Variants in KCNK1 observed in about 807,000 individuals in gnomAD.
The protein encoded by KCNK1 is potassium channel subfamily K member 1.
In KCNK1, 10 loss-of-function variants were observed where a neutral mutation model predicts 22.2. The observed-to-expected ratio is 0.45, with a 90% CI of 0.28 to 0.76. KCNK1 has a LOEUF of 0.76. KCNK1 is among the 30% of genes least tolerant of loss of function. The pLI, the probability that KCNK1 is intolerant of heterozygous loss-of-function variation, is 0.14. For synonymous variants in KCNK1, 200 were observed against 186.4 expected (o/e 1.07, Z -0.60); for missense variants, 378 against 421.0 (o/e 0.90, Z 0.89).
chr1:233,661,781 G>A (rs1480155560), intron 1 of KCNK1: 3 of 152,206 alleles, frequency 2.0e-5, no homozygotes, highest in Non-Finnish European at 4.4e-5. Context: ...GTCAAAAAAG[G>A]GAATTATGAA....
At chr1:233,658,229 A>T (rs549428756) in intron 1 of KCNK1, among the ~76,000 whole-genome samples, 11 of 152,308 alleles carry the variant, frequency 7.2e-5, no homozygotes, top group Admixed American at 2.0e-4. Context: ...GACAACAGGG[A>T]TCCATTAGAG....
At chr1:233,638,640 T>C (rs1406099115) in intron 1 of KCNK1, among the ~76,000 whole-genome samples, 1 of 152,208 alleles carries the variant, frequency 6.6e-6, no homozygotes, top group Non-Finnish European at 1.5e-5. Context: ...GGAGGCTCCC[T>C]GGGCCATCCT....
intron 1 of KCNK1, among the ~76,000 whole-genome samples, chr1:233,619,253 C>A (rs571439095): frequency 1.3e-5 from 2 of 152,098 alleles, no homozygotes; most frequent in South Asian, 4.2e-4. Flanking sequence ...AAACTTGTTG[C>A]CTTAAGCTGT....
intron 1 of KCNK1, among the ~76,000 whole-genome samples, chr1:233,617,852 T>A (rs1476428739): frequency 6.6e-6 from 1 of 151,984 alleles, no homozygotes; most frequent in African/African-American, 2.4e-5. Flanking sequence ...AGGCATTGAG[T>A]CTAGGAGTTT....
At chr1:233,647,864 T>C (rs530882729) in intron 1 of KCNK1, among the ~76,000 whole-genome samples, 1 of 152,336 alleles carries the variant, frequency 6.6e-6, no homozygotes, top group South Asian at 2.1e-4. Context: ...CTTCCAAGAA[T>C]TCTGTTCCAT....
intron 1 of KCNK1, among the ~76,000 whole-genome samples, chr1:233,660,172 T>C (rs76104770): frequency 0.042 from 6,470 of 152,296 alleles, 192 homozygotes; most frequent in African/African-American, 0.085. Flanking sequence ...ATAATCATAA[T>C]GTACAATTTT....
chr1:233,669,576 G>A (rs971546316), intron 2 of KCNK1, among the ~76,000 whole-genome samples: 5 of 152,258 alleles, frequency 3.3e-5, no homozygotes, highest in Admixed American at 1.3e-4. Context: ...GGCTGGGCAC[G>A]GTGGCTCATG....
At chr1:233,635,317 C>T (rs1657879058) in intron 1 of KCNK1, among the ~76,000 whole-genome samples, 1 of 152,128 alleles carries the variant, frequency 6.6e-6, no homozygotes, top group East Asian at 1.9e-4. Flanking sequence ...AGTGTTTATT[C>T]AGGTCACACA....
intron 2 of KCNK1, among the ~76,000 whole-genome samples, chr1:233,667,695 A>G (rs1307975102): frequency 7.5e-6 from 1 of 132,680 alleles, no homozygotes; most frequent in Non-Finnish European, 1.5e-5. Flanking sequence ...GCGCCACTGC[A>G]CTCCAGCCTG....
rs1456964833 is a variant in KCNK1 at position 233,672,297 on chromosome 1, A to G, written c.*767A>G. On this transcript the variant is annotated 3_prime_UTR_variant, in exon 3 of 3. Transcript: ENST00000366621. ...TGCGATAGAATGGTGTCAGATGTCT[A>G]ACATGTTTATAAACATTTTTTTGAA... The G allele has an allele frequency of 6.6e-6, 1 of 152,486 alleles. No homozygotes were observed. Among genetic ancestry groups the G allele is most frequent in the Non-Finnish European group, 1.5e-5 (1 of 68,020 alleles). The allele number at this position is 152,486 out of a possible 1,614,324, so 9.4% of individuals were successfully genotyped here.
At chr1:233,655,978 A>T (rs1200141401) in intron 1 of KCNK1, among the ~76,000 whole-genome samples, 2 of 152,082 alleles carry the variant, frequency 1.3e-5, no homozygotes, top group African/African-American at 4.8e-5. Flanking sequence ...GTTGCTTCTC[A>T]TCATTTTCAG....
Position 233,649,502 on chromosome 1 carries a change from T to G in KCNK1, c.356-17093T>G, listed in dbSNP as rs150958854. ...GAAATATGTCTTAATCCCTTTGGAT[T>G]GCTATAACAAATTACCTTAGACTGA... On this transcript the variant is annotated intron_variant, in intron 1 of 2. Coordinates refer to ENST00000366621, the MANE Select transcript of KCNK1 (RefSeq NM_002245.4). Among the ~76,000 whole-genome samples the G allele has an allele frequency of 5.6e-3, 853 of 152,348 alleles. 5 individuals are homozygous for G. The highest frequency in any genetic ancestry group is 8.7e-3 in the African/African-American group (362 of 41,576).
Position 233,614,456 on chromosome 1 carries a change from C to T in KCNK1, c.285C>T (p.Asn95=), listed in dbSNP as rs781086102. The T allele has an allele frequency of 1.1e-4, 173 of 1,613,198 alleles. No homozygotes were observed. Among genetic ancestry groups the T allele is most frequent in the Non-Finnish European group, 1.3e-4 (157 of 1,179,734 alleles). Residue 95 remains asparagine, a synonymous_variant, in exon 1 of 3, where the codon AAC becomes AAT. Transcript: ENST00000366621. ...ASNYGVSVLS[N]ASGNWNWDFT... ...ACTACGGCGTGTCGGTGCTCAGCAA[C>T]GCCTCGGGCAACTGGAACTGGGACT...
intron 1 of KCNK1, among the ~76,000 whole-genome samples, chr1:233,625,862 A>G (rs79623312): frequency 2.0e-3 from 298 of 152,252 alleles, no homozygotes; most frequent in Middle Eastern, 6.8e-3. Flanking sequence ...GCAGCTAGAA[A>G]GTGACTGTGG....
intron 1 of KCNK1, among the ~76,000 whole-genome samples, chr1:233,662,247 T>C (rs200497304): frequency 1.7e-5 from 2 of 116,696 alleles, no homozygotes; most frequent in African/African-American, 3.7e-5. Context: ...TCCTTCTTCT[T>C]CTTCTTCTTC....
At chr1:233,667,018 CT>C (rs1558120846) in intron 2 of KCNK1, 28 bp downstream of exon 2, 5 of 1,460,886 alleles carry the variant, frequency 3.4e-6, no homozygotes, top group Non-Finnish European at 4.6e-6. Flanking sequence ...CTGGCTGCTC[CT>C]TCTGTCTCCT....
In KCNK1 at chr1:233,660,040, C is replaced by G. The variant is rs534559290; in HGVS notation, c.356-6555C>G. ...AGGATATACTGTTAAAAGAAAACTC[C>G]TAACAGTAACCTCTGGAGAGAACTA... On this transcript the variant is annotated intron_variant, in intron 1 of 2. Coordinates refer to ENST00000366621, the MANE Select transcript of KCNK1 (RefSeq NM_002245.4). Among the ~76,000 whole-genome samples the G allele has an allele frequency of 2.6e-5, 4 of 152,326 alleles. No individual in the cohort carries two copies. In the East Asian group the frequency reaches 7.7e-4, roughly 29 times the overall value.
In KCNK1 at chr1:233,641,849, C is replaced by T. The variant is rs564958693; in HGVS notation, c.356-24746C>T. ...TCAACAAAGAACAACAAATTCAAGG[C>T]AAGTGACAGGACAAAGGAAAAGGAT... On this transcript the variant is annotated intron_variant, in intron 1 of 2. Coordinates refer to ENST00000366621, the MANE Select transcript of KCNK1 (RefSeq NM_002245.4). Among the ~76,000 whole-genome samples, 14 of 152,314 alleles carry T rather than the reference C, an allele frequency of 9.2e-5. No individual in the cohort carries two copies. In the South Asian group the frequency reaches 2.5e-3, roughly 27 times the overall value.
At chr1:233,652,440 A>G (rs1374075582) in intron 1 of KCNK1, among the ~76,000 whole-genome samples, 1 of 152,186 alleles carries the variant, frequency 6.6e-6, no homozygotes, top group Non-Finnish European at 1.5e-5. Context: ...TTGGAAAACT[A>G]TTTAACCCCC....
Sources: gnomAD v4.1 joint callset for allele counts (sites outside exome capture counted in the v4.1 genomes callset) on GRCh38, gnomAD v4.1.1 for gene constraint, MANE v1.5 for transcripts, NCBI Gene and HGNC (gene_info 2026-07-23, HGNC 2026-07-21) for gene names.